The following GTF3C4 variants were observed in gnomAD, a reference collection of about 807,000 sequenced individuals.
GTF3C4 encodes general transcription factor IIIC subunit 4.
In GTF3C4, 28 loss-of-function variants were observed where a neutral mutation model predicts 67.5. That is an observed-to-expected ratio of 0.41 (90% CI 0.31 to 0.57). GTF3C4 has a LOEUF of 0.57. Among genes scored for constraint, GTF3C4 ranks in the 20% least tolerant of loss-of-function variants. The probability of loss-of-function intolerance (pLI) is 0.21; values close to 1 mark genes in which losing one functional copy is unlikely to be tolerated. For synonymous variants in GTF3C4, 409 were observed against 393.0 expected, an observed-to-expected ratio of 1.04 and a Z score of -0.48; for missense variants, 831 against 1,033.2, an observed-to-expected ratio of 0.80 and a Z score of 2.68.
rs1836088935 is a variant in GTF3C4 at position 132,689,935 on chromosome 9, C to T, written c.*990C>T. ...CTTGTGCAATTAAGTTGAACAGAGC[C>T]TGGGAATTTCTTTCCTCTGCACAGT... On this transcript the variant is annotated 3_prime_UTR_variant, in exon 5 of 5. Coordinates refer to ENST00000372146, the MANE Select transcript of GTF3C4 (RefSeq NM_012204.4). 1 of 152,138 alleles carries T rather than the reference C, an allele frequency of 6.6e-6. No individual in the cohort carries two copies. Among genetic ancestry groups the T allele is most frequent in the African/African-American group, 2.4e-5 (1 of 41,422 alleles). The allele number at this position is 152,138 out of a possible 1,614,324, so 9.4% of individuals were successfully genotyped here.
Position 132,682,527 on chromosome 9 carries a change from GT to G in GTF3C4, c.2185-1032del, listed in dbSNP as rs760443748. On this transcript the variant is annotated intron_variant, in intron 2 of 4. Coordinates refer to ENST00000372146, the MANE Select transcript of GTF3C4 (RefSeq NM_012204.4). ...GCCTCCAAATTACATATCCAGTGAA[GT>G]TTTAAAAAAAAAAAAAGAATTGGAT... Among the ~76,000 whole-genome samples, 123 of 112,048 alleles carry G rather than the reference GT, an allele frequency of 1.1e-3. No homozygotes were observed. In the South Asian group the frequency reaches 0.019, roughly 17 times the overall value. 73.5% of individuals were successfully genotyped at this position (112,048 alleles called of 152,430 possible).
chr9:132,687,802 T>C (rs1836054348), intron 4 of GTF3C4, among the ~76,000 whole-genome samples: 1 of 152,206 alleles, frequency 6.6e-6, no homozygotes, highest in South Asian at 2.1e-4. Context: ...AGTTCTAATG[T>C]CATCCGTTTC....
chr9:132,691,463 G>C lies in GTF3C4; in HGVS notation c.*2518G>C, dbSNP rs1306811813. 1.3e-5 allele frequency: 2 copies of C among 152,216 alleles called. No homozygotes were observed. Among genetic ancestry groups the C allele is most frequent in the Non-Finnish European group, 2.9e-5 (2 of 68,044 alleles). The allele number at this position is 152,216 out of a possible 1,614,324, so 9.4% of individuals were successfully genotyped here. A position where few individuals can be genotyped will look rare whatever the true frequency, so the allele number is the denominator to read the frequency against. On this transcript the variant is annotated 3_prime_UTR_variant, in exon 5 of 5. Transcript: ENST00000372146. ...ACCGTAATAACTGTTTCAGGAACTG[G>C]AGAAATAGTGGAAGTGCTATTGCCG...
chr9:132,676,006 C>T (rs1590133174), intron 1 of GTF3C4, among the ~76,000 whole-genome samples: 1 of 143,432 alleles, frequency 7.0e-6, no homozygotes, highest in South Asian at 2.2e-4. Context: ...TCATGCCATT[C>T]TCCTTCCTCA....
In GTF3C4 at chr9:132,670,518, G is replaced by A. The variant is rs1313823692; in HGVS notation, c.-81G>A. 2 of 1,148,790 alleles carry A rather than the reference G, an allele frequency of 1.7e-6. No homozygotes were observed. Among genetic ancestry groups the A allele is most frequent in the Non-Finnish European group, 2.3e-6 (2 of 863,052 alleles). 71.2% of individuals were successfully genotyped at this position (1,148,790 alleles called of 1,614,324 possible). A position where few individuals can be genotyped will look rare whatever the true frequency, so the allele number is the denominator to read the frequency against. ...GGAGAAAACCGCCGCGGAGGGCGCT[G>A]GGGGTGGCGGCGGCGGTCCGGGAGG... On this transcript the variant is annotated 5_prime_UTR_variant, in exon 1 of 5. Transcript: ENST00000372146.
chr9:132,670,294 C>T (rs1399191303), upstream of GTF3C4: 5 of 1,506,808 alleles, frequency 3.3e-6, no homozygotes, highest in Non-Finnish European at 2.7e-6. Flanking sequence ...GTTTCCTCAG[C>T]ACTTTAGGAA....
Position 132,679,390 on chromosome 9 carries a change from A to T in GTF3C4, c.1771A>T (p.Thr591Ser), listed in dbSNP as rs758442546. 1 of 1,613,614 alleles carries T rather than the reference A, an allele frequency of 6.2e-7. No homozygotes were observed. Among genetic ancestry groups the T allele is most frequent in the African/African-American group, 1.3e-5 (1 of 74,742 alleles). The change falls in exon 2 of 5, where the codon ACC becomes TCC. Residue 591 changes from threonine to serine, a missense_variant. This residue lies in a region of GTF3C4 where 390 missense variants were observed against 540.3 expected (regional missense o/e 0.72). Transcript: ENST00000372146. This position sits in a 1 kb window ranked among gnomAD's most constrained non-coding sequence, Gnocchi z 5.9. ...LRILYQSMQK[T>S]PSEALWKPTH... is the part of the protein sequence containing the mutation. Reference sequence around the variant, plus strand: ...GATTTTATATCAGTCAATGCAGAAAACCCCTTCAGAAGCCTTGTGGAAACC... The same window carrying T: ...GATTTTATATCAGTCAATGCAGAAATCCCCTTCAGAAGCCTTGTGGAAACC...
At chr9:132,672,930 A>G (rs1164089733) in intron 1 of GTF3C4, among the ~76,000 whole-genome samples, 1 of 152,078 alleles carries the variant, frequency 6.6e-6, no homozygotes, top group Non-Finnish European at 1.5e-5. Flanking sequence ...CACGCCTGTA[A>G]TCCCAGCACT....
At chr9:132,673,281 T>G (rs998532395) in intron 1 of GTF3C4, among the ~76,000 whole-genome samples, 5 of 152,158 alleles carry the variant, frequency 3.3e-5, no homozygotes, top group African/African-American at 9.7e-5. Context: ...CTGATAAAAT[T>G]TTGACTGTCA....
intron 2 of GTF3C4, among the ~76,000 whole-genome samples, chr9:132,681,124 G>A (rs1164789215): frequency 3.3e-5 from 5 of 152,148 alleles, no homozygotes; most frequent in African/African-American, 7.2e-5. Flanking sequence ...ATTTTTAAAC[G>A]TTGTTTCATT....
chr9:132,672,054 T>C (rs1208427085), intron 1 of GTF3C4, among the ~76,000 whole-genome samples: 6 of 152,232 alleles, frequency 3.9e-5, no homozygotes, highest in Admixed American at 3.9e-4. Context: ...TGTTGTTAGA[T>C]TGTTAGTCAG....
At position 132,691,110 on chromosome 9, in the gene GTF3C4, A is replaced by T. The variant is rs1564359644; in HGVS notation, c.*2165A>T. 1 of 152,186 alleles carries T rather than the reference A, an allele frequency of 6.6e-6. No individual in the cohort carries two copies. 9.4% of individuals were successfully genotyped at this position (152,186 alleles called of 1,614,324 possible). ...TGGCATTGTTAAGACCCTAAAATCTAGCCACCACCTGCCTCCCCCAGGTTT... is the reference window on the plus strand; with the variant it reads ...TGGCATTGTTAAGACCCTAAAATCTTGCCACCACCTGCCTCCCCCAGGTTT... On this transcript the variant is annotated 3_prime_UTR_variant, in exon 5 of 5. Coordinates refer to ENST00000372146, the MANE Select transcript of GTF3C4 (RefSeq NM_012204.4).
chr9:132,681,652 A>G (rs938482513), intron 2 of GTF3C4, among the ~76,000 whole-genome samples: 6 of 152,108 alleles, frequency 3.9e-5, no homozygotes, highest in Non-Finnish European at 7.3e-5. Flanking sequence ...TACTGTGTGT[A>G]TATCTATGTT....
rs1836106255 is a variant in GTF3C4, at chr9:132,690,911, T to C, written c.*1966T>C. 6.6e-6 allele frequency: 1 copy of C among 152,232 alleles called. No individual in the cohort carries two copies. The allele number at this position is 152,232 out of a possible 1,614,324, so 9.4% of individuals were successfully genotyped here. A position where few individuals can be genotyped will look rare whatever the true frequency, so the allele number is the denominator to read the frequency against. ...GGAGATTTGTTCTTACTAGGGAATT[T>C]TGGACTGCTGCCATTTAAAACTTAG... On this transcript the variant is annotated 3_prime_UTR_variant, in exon 5 of 5. Coordinates refer to ENST00000372146, the MANE Select transcript of GTF3C4 (RefSeq NM_012204.4).
At position 132,689,791 on chromosome 9, in the gene GTF3C4, C is replaced by CTT. The variant is rs1205735535; in HGVS notation, c.*848_*849dup. On this transcript the variant is annotated 3_prime_UTR_variant, in exon 5 of 5. Coordinates refer to ENST00000372146, the MANE Select transcript of GTF3C4 (RefSeq NM_012204.4). Reference sequence around the variant, plus strand: ...ATATTTTCCTCTTTTAGTAATAAGACTTTCAGTATTTTTAATGTTGACATT... The same window carrying CTT: ...ATATTTTCCTCTTTTAGTAATAAGACTTTTTCAGTATTTTTAATGTTGACATT... 8 of 152,284 alleles carry CTT rather than the reference C, an allele frequency of 5.3e-5. No homozygotes were observed. The highest frequency in any genetic ancestry group is 5.2e-4 in the Admixed American group (8 of 15,288). The allele number at this position is 152,284 out of a possible 1,614,324, so 9.4% of individuals were successfully genotyped here. A position where few individuals can be genotyped will look rare whatever the true frequency, so the allele number is the denominator to read the frequency against.
intron 3 of GTF3C4, among the ~76,000 whole-genome samples, chr9:132,686,234 T>G (rs977811743): frequency 6.6e-6 from 1 of 152,244 alleles, no homozygotes; most frequent in African/African-American, 2.4e-5. Flanking sequence ...GTGTAAGCAT[T>G]ACACATTAAT....
Position 132,693,597 on chromosome 9 carries a change from T to G in GTF3C4, c.*4652T>G, listed in dbSNP as rs1836151657. 1 of 152,204 alleles carries G rather than the reference T, an allele frequency of 6.6e-6. No individual in the cohort carries two copies. The highest frequency in any genetic ancestry group is 2.4e-5 in the African/African-American group (1 of 41,452). The allele number at this position is 152,204 out of a possible 1,614,324, so 9.4% of individuals were successfully genotyped here. Reference sequence around the variant, plus strand: ...AAGTTTAGAACTCTAAATCTTATGCTTATTTTTAAAGTAAAAAGTTGCCTC... The same window carrying G: ...AAGTTTAGAACTCTAAATCTTATGCGTATTTTTAAAGTAAAAAGTTGCCTC... On this transcript the variant is annotated 3_prime_UTR_variant, in exon 5 of 5. Transcript: ENST00000372146.
intron 2 of GTF3C4, among the ~76,000 whole-genome samples, chr9:132,681,389 GT>G (rs1361224269): frequency 6.6e-6 from 1 of 152,160 alleles, no homozygotes; most frequent in Non-Finnish European, 1.5e-5. Context: ...TAGCAACTGA[GT>G]TTATTGAAGA....
chr9:132,683,829 A>G, intron 3 of GTF3C4, 136 bp downstream of exon 3: 2 of 834,198 alleles, frequency 2.4e-6, no homozygotes, highest in Middle Eastern at 3.1e-4. Flanking sequence ...AGCTGCTATT[A>G]TAAAGCCTGA....
Sources: gnomAD v4.1 joint callset for allele counts (sites outside exome capture counted in the v4.1 genomes callset) on GRCh38, gnomAD v4.1.1 for gene constraint, gnomAD v4.1.1 regional missense constraint, Gnocchi (gnomAD v3.1) non-coding constraint, MANE v1.5 for transcripts, NCBI Gene and HGNC (gene_info 2026-07-23, HGNC 2026-07-21) for gene names.